The following PTPRS variants were observed in gnomAD, a reference collection of about 807,000 sequenced individuals.
PTPRS encodes protein tyrosine phosphatase receptor type S.
PTPRS carries 63 observed loss-of-function variants against 215.3 expected under a neutral mutation model. That is an observed-to-expected ratio of 0.29 (90% confidence interval 0.24 to 0.36). PTPRS has a LOEUF of 0.36. PTPRS is among the 10% of genes least tolerant of loss of function. PTPRS has a pLI of 1.00. For missense variants in PTPRS, 2,258 were observed against 2,825.8 expected, an observed-to-expected ratio of 0.80 and a Z score of 4.56; for synonymous variants, 1,404 against 1,191.4, an observed-to-expected ratio of 1.18 and a Z score of -3.68.
At chr19:5,216,837 C>T in intron 25 of PTPRS, 70 bp from the exon 26 acceptor site, 1 of 1,013,424 alleles carries the variant, frequency 9.9e-7, no homozygotes, top group Non-Finnish European at 1.5e-6. Flanking sequence ...TCTGCCTCCC[C>T]CACCCCTCAC....
chr19:5,225,696 T>C, intron 17 of PTPRS, 31 bp downstream of exon 17: 3 of 1,577,720 alleles, frequency 1.9e-6, no homozygotes, highest in Non-Finnish European at 2.6e-6. Flanking sequence ...AAAGGGGCTG[T>C]TGGTGGGTGG....
chr19:5,219,810 T>C, intron 22 of PTPRS, 129 bp downstream of exon 22: 1 of 1,102,550 alleles, frequency 9.1e-7, no homozygotes. Flanking sequence ...CTCCCAAGTC[T>C]TCCCCTCTGC....
chr19:5,305,072 C>T (rs919743898), intron 1 of PTPRS, among the ~76,000 whole-genome samples: 2 of 151,092 alleles, frequency 1.3e-5, no homozygotes, highest in African/African-American at 4.9e-5. Context: ...TCTCTCTGAA[C>T]AGGTGTTAGG....
Position 5,206,473 on chromosome 19 carries a change from C to T in PTPRS, c.*301G>A, listed in dbSNP as rs2040373659. ...CACCCTCCTCTGGTTCTGGGGAGCA[C>T]TCCTATTTGCTCACCATCCCCCCAC... On this transcript the variant is annotated 3_prime_UTR_variant, in exon 38 of 38. Transcript: ENST00000262963. 2.4e-6 allele frequency: 1 copy of T among 416,104 alleles called. No homozygotes were observed. Among genetic ancestry groups the T allele is most frequent in the Admixed American group, 3.9e-5 (1 of 25,726 alleles). 25.8% of individuals were successfully genotyped at this position (416,104 alleles called of 1,614,324 possible). A position where few individuals can be genotyped will look rare whatever the true frequency, so the allele number is the denominator to read the frequency against.
chr19:5,240,149 G>A (rs1042465204), intron 12 of PTPRS, 50 bp downstream of exon 12: 20 of 1,456,244 alleles, frequency 1.4e-5, no homozygotes, highest in Non-Finnish European at 1.8e-5. Context: ...GCGTCAGAGA[G>A]CGCCGGGGAG....
intron 1 of PTPRS, among the ~76,000 whole-genome samples, chr19:5,299,890 G>GAAAAGA (rs1021678684): frequency 1.1e-4 from 17 of 151,622 alleles, no homozygotes; most frequent in African/African-American, 3.6e-4. Context: ...TAAAATAAAG[G>GAAAAGA]AAAAGAAAAA....
In PTPRS at chr19:5,322,752, G is replaced by A. The variant is rs372335692; in HGVS notation, c.-95+17912C>T. On this transcript the variant is annotated intron_variant, in intron 1 of 37. Coordinates refer to ENST00000262963, the MANE Select transcript of PTPRS (RefSeq NM_002850.4). ...AAATTAGCCGGGCATGGTGGCGCAC[G>A]CCTATAATCCCAGCTATTCGAGAGG... Among the ~76,000 whole-genome samples the A allele has an allele frequency of 1.1e-4, 16 of 151,920 alleles. No individual in the cohort carries two copies. In the East Asian group the frequency reaches 2.5e-3, roughly 24 times the overall value.
intron 16 of PTPRS, among the ~76,000 whole-genome samples, chr19:5,227,060 CTTA>C (rs1184200370): frequency 6.6e-6 from 1 of 152,000 alleles, no homozygotes; most frequent in Admixed American, 6.6e-5. Flanking sequence ...ACTCTTTTAT[CTTA>C]TTGAGACAGG....
chr19:5,301,425 C>T (rs557728851), intron 1 of PTPRS, among the ~76,000 whole-genome samples: 2 of 151,724 alleles, frequency 1.3e-5, no homozygotes, highest in African/African-American at 4.8e-5. Context: ...AATCGATTCT[C>T]CTGCCTCAGC....
At chr19:5,239,408 T>C (rs181837085) in intron 12 of PTPRS, among the ~76,000 whole-genome samples, 118 of 123,642 alleles carry the variant, frequency 9.5e-4, no homozygotes, top group Admixed American at 1.7e-3. Context: ...GTGACAGAGA[T>C]AGAGACAGAG....
At chr19:5,208,468 AC>A in intron 35 of PTPRS, 77 bp from the exon 36 acceptor site, 1 of 1,306,900 alleles carries the variant, frequency 7.7e-7, no homozygotes, top group East Asian at 2.7e-5. Context: ...CCCTATCTTC[AC>A]CCCCATTTTT....
chr19:5,270,262 T>G (rs952658313), intron 4 of PTPRS, among the ~76,000 whole-genome samples: 47 of 152,082 alleles, frequency 3.1e-4, no homozygotes, highest in Non-Finnish European at 5.1e-4. Context: ...CAGACCACAA[T>G]AGCGAGCTTT....
At position 5,293,626 on chromosome 19, in the gene PTPRS, A is replaced by G. The variant is rs1277993378; in HGVS notation, c.-94-7392T>C. The stretch of plus-strand genomic sequence containing the variant: ...GGACAGGGCGGCGGAGGGCTCCCCA[A>G]ACACACCCAACTACAGGAGGTCGGA... On this transcript the variant is annotated intron_variant, in intron 1 of 37. Coordinates refer to ENST00000262963, the MANE Select transcript of PTPRS (RefSeq NM_002850.4). The surrounding 1 kb of genome is among the most constrained non-coding windows in gnomAD (Gnocchi z 8.4). Among the ~76,000 whole-genome samples the G allele has an allele frequency of 6.6e-6, 1 of 152,006 alleles. No individual in the cohort carries two copies. Among genetic ancestry groups the G allele is most frequent in the Non-Finnish European group, 1.5e-5 (1 of 67,962 alleles).
chr19:5,331,486 T>G (rs566936828), intron 1 of PTPRS, among the ~76,000 whole-genome samples: 45 of 152,262 alleles, frequency 3.0e-4, no homozygotes, highest in African/African-American at 9.9e-4. Flanking sequence ...GGTCATTATC[T>G]GGGATGGGGT....
chr19:5,312,191 T>C (rs1203730136), intron 1 of PTPRS, among the ~76,000 whole-genome samples: 1 of 152,044 alleles, frequency 6.6e-6, no homozygotes, highest in African/African-American at 2.4e-5. Context: ...GCTGGGCATG[T>C]AGATGGCATA....
intron 1 of PTPRS, among the ~76,000 whole-genome samples, chr19:5,337,359 G>A (rs974717794): frequency 6.6e-6 from 1 of 152,222 alleles, no homozygotes; most frequent in Admixed American, 6.5e-5. Flanking sequence ...GGGCCACGGG[G>A]CGCTCGGGTA....
chr19:5,330,731 A>G (rs1159274003), intron 1 of PTPRS, among the ~76,000 whole-genome samples: 2 of 152,162 alleles, frequency 1.3e-5, no homozygotes, highest in Non-Finnish European at 1.5e-5. Context: ...CTTTGTCAGG[A>G]TCCGAACCTG....
chr19:5,273,562 C>A lies in PTPRS; in HGVS notation c.259G>T (p.Ala87Ser), dbSNP rs139892277. Residue 87 changes from alanine (A) to serine (S), a missense_variant, in exon 4 of 38, where the codon GCA (alanine) becomes TCA (serine). Transcript: ENST00000262963. The part of the protein sequence containing the change: ...RFETIEFDES[A>S]GAVLRIQPLR... Reference sequence around the variant, plus strand: ...GGCTGGATCCTCAGCACTGCCCCTGCACTCTCATCAAACTCAATCGTCTGC... The same window carrying A: ...GGCTGGATCCTCAGCACTGCCCCTGAACTCTCATCAAACTCAATCGTCTGC... 3.2e-5 allele frequency: 51 copies of A among 1,614,042 alleles called. No homozygotes were observed. The highest frequency in any genetic ancestry group is 4.2e-5 in the Non-Finnish European group (49 of 1,180,028).
At position 5,268,379 on chromosome 19, in the gene PTPRS, CTGTT is replaced by C. The variant is rs374379442; in HGVS notation, c.380-3187_380-3184del. On this transcript the variant is annotated intron_variant, in intron 4 of 37. Coordinates refer to ENST00000262963, the MANE Select transcript of PTPRS (RefSeq NM_002850.4). ...CTGCTTCCTGGCGTAGACAATGTTT[CTGTT>C]TGTTTAAAGAATACACATGTATTTG... Among the ~76,000 whole-genome samples the C allele has an allele frequency of 5.4e-4, 82 of 152,020 alleles. 1 individual carries two copies. The East Asian group carries it at 0.014, about 26-fold the overall frequency.
Sources: allele counts gnomAD v4.1 joint callset (sites outside exome capture counted in the v4.1 genomes callset), GRCh38; gene constraint gnomAD v4.1.1; non-coding constraint Gnocchi (gnomAD v3.1); transcripts MANE v1.5; gene names NCBI Gene and HGNC (gene_info 2026-07-23, HGNC 2026-07-21).